The following CHST11 variants were observed in gnomAD, a reference collection of about 807,000 sequenced individuals.
CHST11 encodes carbohydrate sulfotransferase 11.
CHST11 carries 9 observed loss-of-function variants against 30.4 expected under a neutral mutation model. That is an observed-to-expected ratio of 0.30 (90% CI 0.18 to 0.52). The LOEUF is 0.52. CHST11 is among the 20% of genes least tolerant of loss of function. The probability of loss-of-function intolerance (pLI) is 0.97; values close to 1 mark genes in which losing one functional copy is unlikely to be tolerated. For synonymous variants in CHST11, 152 were observed against 187.8 expected (o/e 0.81, Z 1.56); for missense variants, 348 against 460.6 (o/e 0.76, Z 2.24).
chr12:104,706,209 C>T (rs1468087849), intron 2 of CHST11, among the ~76,000 whole-genome samples: 1 of 151,600 alleles, frequency 6.6e-6, no homozygotes, highest in Non-Finnish European at 1.5e-5. Flanking sequence ...CATGGTGAAA[C>T]CCTGTCTCTA....
intron 1 of CHST11, among the ~76,000 whole-genome samples, chr12:104,596,211 G>A (rs1299404425): frequency 6.6e-6 from 1 of 152,192 alleles, no homozygotes; most frequent in Non-Finnish European, 1.5e-5. Flanking sequence ...GATGGGCTGG[G>A]CCACACTGCT....
chr12:104,724,259 G>A (rs557020801), intron 2 of CHST11, among the ~76,000 whole-genome samples: 3 of 151,238 alleles, frequency 2.0e-5, no homozygotes, highest in Admixed American at 6.6e-5. Flanking sequence ...GACGGCACCC[G>A]GAGTAGTCAG....
chr12:104,645,190 G>T (rs989783124), intron 2 of CHST11, among the ~76,000 whole-genome samples: 1 of 151,834 alleles, frequency 6.6e-6, no homozygotes, highest in Non-Finnish European at 1.5e-5. Context: ...CTCGTGATCT[G>T]CCCACCTCGG....
chr12:104,547,070 C>T (rs2038357877), intron 1 of CHST11, among the ~76,000 whole-genome samples: 1 of 152,196 alleles, frequency 6.6e-6, no homozygotes, highest in East Asian at 1.9e-4. Context: ...CTTGCAAATA[C>T]TGTTGTTTTT....
intron 1 of CHST11, among the ~76,000 whole-genome samples, chr12:104,578,030 G>A (rs961886316): frequency 5.3e-5 from 8 of 152,166 alleles, no homozygotes; most frequent in South Asian, 2.1e-4. Flanking sequence ...GCTGGAGCAC[G>A]GTGCCAGTGG....
intron 2 of CHST11, among the ~76,000 whole-genome samples, chr12:104,711,399 T>C (rs2040086611): frequency 1.3e-5 from 2 of 152,188 alleles, no homozygotes; most frequent in African/African-American, 4.8e-5. Flanking sequence ...CAGCGTCACA[T>C]GGAGATGGTA....
At chr12:104,469,575 A>T (rs2037488790) in intron 1 of CHST11, among the ~76,000 whole-genome samples, 3 of 152,134 alleles carry the variant, frequency 2.0e-5, no homozygotes, top group Non-Finnish European at 4.4e-5. Flanking sequence ...GGACAGCATC[A>T]ATTGGCCCTA....
chr12:104,464,799 A>G (rs2135950350), intron 1 of CHST11, among the ~76,000 whole-genome samples: 1 of 152,344 alleles, frequency 6.6e-6, no homozygotes, highest in East Asian at 1.9e-4. Context: ...TAATAAAAAT[A>G]TCCAGAAAAA....
At chr12:104,489,942 T>G (rs2037729094) in intron 1 of CHST11, among the ~76,000 whole-genome samples, 1 of 152,172 alleles carries the variant, frequency 6.6e-6, no homozygotes. Flanking sequence ...AAAGCAAGCC[T>G]CAGACCAGAT....
At chr12:104,471,922 A>G (rs2037513115) in intron 1 of CHST11, among the ~76,000 whole-genome samples, 1 of 152,052 alleles carries the variant, frequency 6.6e-6, no homozygotes, top group Admixed American at 6.6e-5. Flanking sequence ...CCTTTTCTAC[A>G]TTGAACTAGG....
chr12:104,521,649 C>T (rs893709125), intron 1 of CHST11, among the ~76,000 whole-genome samples: 1 of 152,160 alleles, frequency 6.6e-6, no homozygotes, highest in Non-Finnish European at 1.5e-5. Flanking sequence ...TGGTATCCTG[C>T]TAAGAGAATG....
At chr12:104,669,404 A>G (rs112814353) in intron 2 of CHST11, among the ~76,000 whole-genome samples, 1,945 of 146,840 alleles carry the variant, frequency 0.013, 42 homozygotes, top group African/African-American at 0.047. Flanking sequence ...TGCAGCTCTC[A>G]GAAATGGTGC....
chr12:104,515,312 G>A (rs1471235478), intron 1 of CHST11, among the ~76,000 whole-genome samples: 4 of 152,174 alleles, frequency 2.6e-5, no homozygotes, highest in African/African-American at 9.7e-5. Flanking sequence ...ATAGGCCTGT[G>A]AAGCTGAAGG....
At chr12:104,647,801 G>A (rs2039449473) in intron 2 of CHST11, among the ~76,000 whole-genome samples, 1 of 152,342 alleles carries the variant, frequency 6.6e-6, no homozygotes, top group South Asian at 2.1e-4. Context: ...GGTTTGGGCT[G>A]TAGTCAGATG....
intron 2 of CHST11, among the ~76,000 whole-genome samples, chr12:104,730,111 G>A (rs924003219): frequency 6.6e-6 from 1 of 152,210 alleles, no homozygotes. Context: ...CTAGGGCCTT[G>A]TACTCACTGG....
chr12:104,481,889 G>A (rs1442791786), intron 1 of CHST11, among the ~76,000 whole-genome samples: 1 of 145,582 alleles, frequency 6.9e-6, no homozygotes, highest in Non-Finnish European at 1.5e-5. Context: ...CCAGGCTGGA[G>A]TGCAATGGTA....
intron 1 of CHST11, among the ~76,000 whole-genome samples, chr12:104,549,499 A>AAAAC (rs1049813910): frequency 6.6e-6 from 1 of 152,214 alleles, no homozygotes; most frequent in Non-Finnish European, 1.5e-5. Context: ...GTTTCTTTAA[A>AAAAC]AAACAAACAA....
chr12:104,686,789 A>G (rs1258006704), intron 2 of CHST11, among the ~76,000 whole-genome samples: 1 of 152,150 alleles, frequency 6.6e-6, no homozygotes, highest in Non-Finnish European at 1.5e-5. Flanking sequence ...CTGGGACTAC[A>G]GGCACCCGCC....
At chr12:104,601,875 T>A (rs772723578) in intron 1 of CHST11, 31 bp from the exon 2 acceptor site, 10 of 1,570,180 alleles carry the variant, frequency 6.4e-6, no homozygotes, top group Non-Finnish European at 7.9e-6. Context: ...TTGTTGCTCA[T>A]TTCTGATGAG....
Sources: gnomAD v4.1 joint callset for allele counts (sites outside exome capture counted in the v4.1 genomes callset) on GRCh38, gnomAD v4.1.1 for gene constraint, MANE v1.5 for transcripts, NCBI Gene and HGNC (gene_info 2026-07-23, HGNC 2026-07-21) for gene names.